CRYAB: variants seen among roughly 807,000 people sequenced by gnomAD.
The protein encoded by CRYAB is crystallin alpha B.
CRYAB carries 9 observed loss-of-function variants against 12.7 expected under a neutral mutation model. The ratio of observed to expected loss-of-function variants is 0.71; its 90% CI spans 0.43 to 1.24. The LOEUF is 1.24. Ranked by LOEUF, CRYAB falls within the 50% of genes most tolerant of loss-of-function variation. The probability of loss-of-function intolerance (pLI) is 0.00; values close to 1 mark genes in which losing one functional copy is unlikely to be tolerated. For missense variants in CRYAB, 183 were observed against 226.6 expected (o/e 0.81, Z 1.24); for synonymous variants, 93 against 86.8 (o/e 1.07, Z -0.40).
At position 111,910,432 on chromosome 11, in the gene CRYAB, G is replaced by A. The variant is rs1555165414; in HGVS notation, c.219C>T (p.Asp73=). ...TCACATCCAGGTTGACAGAGAACCTGTCCTTCTCCAGGCGCATCTAGAAAT... is the reference window on the plus strand; with the variant it reads ...TCACATCCAGGTTGACAGAGAACCTATCCTTCTCCAGGCGCATCTAGAAAT... ...TGLSEMRLEK[D]RFSVNLDVKH... is the part of the protein sequence containing the mutation. The change falls in exon 2 of 3, where the codon GAC becomes GAT. Residue 73 remains aspartate, a synonymous_variant. Transcript: ENST00000650687. 6.2e-7 allele frequency: 1 copy of A among 1,614,192 alleles called. No individual in the cohort carries two copies. The highest frequency in any genetic ancestry group is 8.5e-7 in the Non-Finnish European group (1 of 1,180,040).
Position 111,911,756 on chromosome 11 carries a change from CTGGT to C in CRYAB, c.-36_-33del. On this transcript the variant is annotated 5_prime_UTR_variant, in exon 1 of 3. Coordinates refer to ENST00000650687, the MANE Select transcript of CRYAB (RefSeq NM_001289808.2). ...TAGGTGAGTGTGAGGGGTCAGCTGGCTGGTCAGCTCCTTCAGCTGCAGCTACAGC... is the reference window on the plus strand; with the variant it reads ...TAGGTGAGTGTGAGGGGTCAGCTGGCCAGCTCCTTCAGCTGCAGCTACAGC... 5 of 1,474,720 alleles carry C rather than the reference CTGGT, an allele frequency of 3.4e-6. No individual in the cohort carries two copies. Among genetic ancestry groups the C allele is most frequent in the South Asian group, 1.2e-5 (1 of 83,120 alleles). 91.4% of individuals were successfully genotyped at this position (1,474,720 alleles called of 1,614,324 possible).
upstream of CRYAB, chr11:111,912,972 T>G: frequency 8.8e-7 from 1 of 1,141,620 alleles, no homozygotes. Flanking sequence ...CCCCCTGAAA[T>G]TCTGGGCTGA....
At chr11:111,920,815 A>G (rs950657916) in intron 1 of CRYAB, among the ~76,000 whole-genome samples, 2 of 152,186 alleles carry the variant, frequency 1.3e-5, no homozygotes, top group Non-Finnish European at 2.9e-5. Flanking sequence ...AAGAATATCC[A>G]TGGAATATCT....
chr11:111,914,064 G>A (rs587673115), upstream of CRYAB: 961 of 671,718 alleles, frequency 1.4e-3, 3 homozygotes, highest in Non-Finnish European at 1.9e-3. Flanking sequence ...TTAGTTTTGG[G>A]TGGAGCTGAA....
Position 111,909,104 on chromosome 11 carries a change from C to T in CRYAB, c.325-137G>A, listed in dbSNP as rs11214039. 3,013 of 860,372 alleles carry T rather than the reference C, an allele frequency of 3.5e-3. 117 individuals are homozygous for T. In the East Asian group the frequency reaches 0.071, roughly 20 times the overall value. The allele number at this position is 860,372 out of a possible 1,614,324, so 53.3% of individuals were successfully genotyped here. A position where few individuals can be genotyped will look rare whatever the true frequency, so the allele number is the denominator to read the frequency against. The stretch of plus-strand genomic sequence containing the variant: ...AACATAGGAAAAATAAATAGAGCTT[C>T]GTTTCAGGGTTGCAGCTAAGATGAA... On this transcript the variant is annotated intron_variant, in intron 2 of 2. Coordinates refer to ENST00000650687, the MANE Select transcript of CRYAB (RefSeq NM_001289808.2).
intron 1 of CRYAB, chr11:111,919,165 C>A: frequency 1.2e-6 from 1 of 803,760 alleles, no homozygotes; most frequent in Non-Finnish European, 2.0e-6. Context: ...CACCTCCTTT[C>A]AGGAGGCCTT....
chr11:111,914,254 T>C (rs1367503023), upstream of CRYAB, among the ~76,000 whole-genome samples: 1 of 152,184 alleles, frequency 6.6e-6, no homozygotes, highest in Non-Finnish European at 1.5e-5. Flanking sequence ...GGAAGCTGAC[T>C]CTGGCTCCAG....
At chr11:111,914,040 G>A (rs1430440598), upstream of CRYAB, 5 of 751,646 alleles carry the variant, frequency 6.7e-6, no homozygotes, top group East Asian at 8.1e-5. Flanking sequence ...CATGGGACAT[G>A]TCATAGCCTT....
intron 1 of CRYAB, chr11:111,910,817 C>T: frequency 2.9e-6 from 1 of 347,276 alleles, no homozygotes; most frequent in Non-Finnish European, 5.5e-6. Flanking sequence ...GGTCTCTTTG[C>T]CAGTTTTCCA....
chr11:111,913,167 C>T (rs911206126), upstream of CRYAB: 1 of 605,106 alleles, frequency 1.7e-6, no homozygotes, highest in Non-Finnish European at 3.0e-6. Flanking sequence ...GGTGTGCCTC[C>T]TTGTCCCCCT....
At position 111,908,758 on chromosome 11, in the gene CRYAB, G is replaced by A. The variant is rs782028221; in HGVS notation, c.*6C>T. On this transcript the variant is annotated 3_prime_UTR_variant, in exon 3 of 3. Transcript: ENST00000650687. The stretch of plus-strand genomic sequence containing the variant: ...GTTTTAAAAAATGCAATTCAAGAAA[G>A]GGCATCTATTTCTTGGGGGCTGCGG... 1 of 1,611,898 alleles carries A rather than the reference G, an allele frequency of 6.2e-7. No homozygotes were observed. Among genetic ancestry groups the A allele is most frequent in the African/African-American group, 1.3e-5 (1 of 74,968 alleles).
intron 1 of CRYAB, among the ~76,000 whole-genome samples, chr11:111,919,484 C>CA (rs146540775): frequency 0.098 from 14,814 of 150,746 alleles, 936 homozygotes; most frequent in Middle Eastern, 0.15. Context: ...ACAACAACAA[C>CA]AAAAAAAAAC....
rs782654756 is a variant in CRYAB at position 111,911,703 on chromosome 11, G to A, written c.22C>T (p.Pro8Ser). The A allele has an allele frequency of 1.9e-6, 3 of 1,591,926 alleles. No individual in the cohort carries two copies. Among genetic ancestry groups the A allele is most frequent in the East Asian group, 2.3e-5 (1 of 44,178 alleles). Residue 8 changes from proline (P) to serine (S), a missense_variant, in exon 1 of 3, where the codon CCC (proline) becomes TCC (serine). By Grantham distance (74) the Pro-to-Ser change is moderately conservative (BLOSUM62 -1). Around this residue, in one of 3 missense-constraint regions of CRYAB, gnomAD observed 86 missense variants for 96.1 expected, o/e 0.89. Transcript: ENST00000650687. Reference protein sequence around the residue: MDIAIHHPWIRRPFFPFH... With the variant: MDIAIHHSWIRRPFFPFH... Reference sequence around the variant, plus strand: ...GGAAAGAAGGGGCGGCGGATCCAGGGGTGGTGGATGGCGATGTCCATGGTG... The same window carrying A: ...GGAAAGAAGGGGCGGCGGATCCAGGAGTGGTGGATGGCGATGTCCATGGTG...
intron 1 of CRYAB, chr11:111,918,792 T>C (rs1965637508): frequency 4.2e-6 from 3 of 713,966 alleles, no homozygotes; most frequent in Non-Finnish European, 5.1e-6. Flanking sequence ...ACCCTTTGGC[T>C]GGGAACACAG....
At chr11:111,918,640 C>G (rs972248744) in intron 1 of CRYAB, 10 of 674,094 alleles carry the variant, frequency 1.5e-5, no homozygotes, top group Non-Finnish European at 2.5e-5. Context: ...AATGGAGAAG[C>G]ATTTCGTAAG....
At chr11:111,920,111 C>T (rs1329263502) in intron 1 of CRYAB, among the ~76,000 whole-genome samples, 7 of 152,084 alleles carry the variant, frequency 4.6e-5, no homozygotes, top group African/African-American at 1.2e-4. Flanking sequence ...AGGAGAATCC[C>T]TTGAACCCAG....
At position 111,909,228 on chromosome 11, in the gene CRYAB, G is replaced by T. The variant is rs1039475503; in HGVS notation, c.325-261C>A. 9.1e-6 allele frequency: 5 copies of T among 547,382 alleles called. No individual in the cohort carries two copies. In the African/African-American group the frequency reaches 9.3e-5, roughly 10 times the overall value. 33.9% of individuals were successfully genotyped at this position (547,382 alleles called of 1,614,324 possible). ...AACCCTGAGGCATAGATATGTTTAG[G>T]GGTATTTCCCAAAGGTTTAGATCAA... On this transcript the variant is annotated intron_variant, in intron 2 of 2. Transcript: ENST00000650687.
chr11:111,920,217 GAATAA>G (rs587622493), intron 1 of CRYAB, among the ~76,000 whole-genome samples: 7 of 151,454 alleles, frequency 4.6e-5, no homozygotes, highest in Admixed American at 2.6e-4. Context: ...AAATAAAATA[GAATAA>G]AATAAAATAA....
rs1018603427 is a variant in CRYAB at position 111,918,915 on chromosome 11, A to G, written c.-199+4788T>C. 3.1e-6 allele frequency: 5 copies of G among 1,604,996 alleles called. No individual in the cohort carries two copies. In the African/African-American group the frequency reaches 6.7e-5, roughly 21 times the overall value. ...GCGGAAAGCTCAACCAGGAACCCGG[A>G]AATGCACAAGCCTCTTGATGCATAA... On this transcript the variant is annotated intron_variant, in intron 1 of 3. Coordinates refer to the CRYAB transcript ENST00000527950.
Sources: gnomAD v4.1 joint callset for allele counts (sites outside exome capture counted in the v4.1 genomes callset) on GRCh38, gnomAD v4.1.1 for gene constraint, gnomAD v4.1.1 regional missense constraint, MANE v1.5 for transcripts, NCBI Gene and HGNC (gene_info 2026-07-23, HGNC 2026-07-21) for gene names.